LIX1: variants seen among roughly 807,000 people sequenced by gnomAD.
The protein encoded by LIX1 is limb and CNS expressed 1, also known as protein limb expression 1 homolog.
In LIX1, 24 loss-of-function variants were observed where a neutral mutation model predicts 33.4. The ratio of observed to expected loss-of-function variants is 0.72; its 90% confidence interval spans 0.52 to 1.01. LIX1 has a LOEUF of 1.01. Ranked by LOEUF, LIX1 falls within the 50% of genes least tolerant of loss-of-function variation. The probability of loss-of-function intolerance (pLI) is 0.00; values close to 1 mark genes in which losing one functional copy is unlikely to be tolerated. For synonymous variants in LIX1, 124 were observed against 124.0 expected (o/e 1.00, Z 0.00); for missense variants, 311 against 339.2 (o/e 0.92, Z 0.65).
In LIX1 at chr5:97,123,777, C is replaced by T. The variant is rs113024359; in HGVS notation, c.246+689G>A. On this transcript the variant is annotated intron_variant, in intron 2 of 5. Coordinates refer to ENST00000274382, the MANE Select transcript of LIX1 (RefSeq NM_153234.5). ...CCAACCGTTCCTTGCCACACATTAA[C>T]CCTTATGCTTCCCTAATTCTGAAAA... 3.5e-3 allele frequency among the ~76,000 whole-genome samples: 540 copies of T among 152,296 alleles called. 2 individuals are homozygous for T. The highest frequency in any genetic ancestry group is 0.012 in the African/African-American group (507 of 41,564).
chr5:97,101,269 C>G (rs374486399), intron 4 of LIX1, among the ~76,000 whole-genome samples: 1 of 152,094 alleles, frequency 6.6e-6, no homozygotes. Flanking sequence ...TTTTAAGCAT[C>G]CCTTTCAATT....
intron 4 of LIX1, among the ~76,000 whole-genome samples, chr5:97,101,170 T>A (rs1019090070): frequency 2.0e-5 from 3 of 152,188 alleles, no homozygotes; most frequent in Non-Finnish European, 4.4e-5. Context: ...TATTTATAAT[T>A]CTGATATTTT....
At chr5:97,118,748 A>G (rs1747700048) in intron 2 of LIX1, among the ~76,000 whole-genome samples, 1 of 152,200 alleles carries the variant, frequency 6.6e-6, no homozygotes, top group Non-Finnish European at 1.5e-5. Flanking sequence ...ATGCAGAAAT[A>G]AAATTATATT....
chr5:97,127,176 A>G (rs1197375050), intron 1 of LIX1, among the ~76,000 whole-genome samples: 1 of 152,158 alleles, frequency 6.6e-6, no homozygotes, highest in African/African-American at 2.4e-5. Context: ...CTTGTCAACA[A>G]GGACTATTAG....
intron 1 of LIX1, among the ~76,000 whole-genome samples, chr5:97,141,667 T>A (rs1748291990): frequency 6.6e-6 from 1 of 152,160 alleles, no homozygotes; most frequent in South Asian, 2.1e-4. Context: ...TTAAAAAAAA[T>A]TCCATATGCA....
intron 1 of LIX1, among the ~76,000 whole-genome samples, chr5:97,139,124 A>G (rs938182661): frequency 3.3e-5 from 5 of 152,200 alleles, no homozygotes; most frequent in African/African-American, 1.2e-4. Flanking sequence ...TCCTGGCTCT[A>G]TCACATACTA....
At chr5:97,100,891 C>G (rs1190012583) in intron 4 of LIX1, among the ~76,000 whole-genome samples, 2 of 116,446 alleles carry the variant, frequency 1.7e-5, no homozygotes, top group African/African-American at 8.2e-5. Flanking sequence ...ACCTCTGTCT[C>G]AGAAAAAAAA....
chr5:97,115,957 C>T lies in LIX1; in HGVS notation c.247-8457G>A, dbSNP rs527555474. Among the ~76,000 whole-genome samples the T allele has an allele frequency of 6.0e-4, 91 of 152,268 alleles. No individual in the cohort carries two copies. In the South Asian group the frequency reaches 0.017, roughly 29 times the overall value. On this transcript the variant is annotated intron_variant, in intron 2 of 5. Coordinates refer to ENST00000274382, the MANE Select transcript of LIX1 (RefSeq NM_153234.5). Reference sequence around the variant, plus strand: ...CAGGTGGCAAAACCAAATAAATTGACTCTGTGAGAAGTGAGAATTCCTGCC... The same window carrying T: ...CAGGTGGCAAAACCAAATAAATTGATTCTGTGAGAAGTGAGAATTCCTGCC...
chr5:97,097,475 G>A (rs1746446968), intron 4 of LIX1, among the ~76,000 whole-genome samples: 1 of 152,200 alleles, frequency 6.6e-6, no homozygotes, highest in South Asian at 2.1e-4. Context: ...ATACATGTTT[G>A]CTTGTAAATG....
At chr5:97,100,483 C>G (rs1250626624) in intron 4 of LIX1, among the ~76,000 whole-genome samples, 1 of 152,172 alleles carries the variant, frequency 6.6e-6, no homozygotes, top group East Asian at 1.9e-4. Context: ...AGATATTCAT[C>G]TTGCCATCAT....
At chr5:97,123,570 C>T (rs777716211) in intron 2 of LIX1, among the ~76,000 whole-genome samples, 4 of 152,192 alleles carry the variant, frequency 2.6e-5, no homozygotes, top group African/African-American at 2.4e-5. Context: ...CCATTTAAAT[C>T]GTTTAAATCC....
intron 1 of LIX1, among the ~76,000 whole-genome samples, chr5:97,137,694 A>G (rs1462370512): frequency 2.0e-5 from 3 of 152,212 alleles, no homozygotes; most frequent in Non-Finnish European, 4.4e-5. Context: ...TAAGCTAGCA[A>G]GCACTATAGG....
At chr5:97,128,724 C>A (rs1022795402) in intron 1 of LIX1, among the ~76,000 whole-genome samples, 15 of 152,090 alleles carry the variant, frequency 9.9e-5, no homozygotes, top group Non-Finnish European at 1.5e-4. Flanking sequence ...GGGCATAAAC[C>A]TTAAACTTCA....
chr5:97,114,798 G>T (rs928081229), intron 2 of LIX1, among the ~76,000 whole-genome samples: 2 of 152,140 alleles, frequency 1.3e-5, no homozygotes, highest in African/African-American at 4.8e-5. Context: ...TACACAATTT[G>T]GGGGCCCTTG....
intron 2 of LIX1, among the ~76,000 whole-genome samples, chr5:97,116,684 TTTTTC>T (rs1205181376): frequency 6.6e-6 from 1 of 152,180 alleles, no homozygotes; most frequent in African/African-American, 2.4e-5. Context: ...TTTCTTTTCT[TTTTTC>T]TTTTATTCTT....
intron 1 of LIX1, 22 bp downstream of exon 1, chr5:97,142,473 C>T (rs747097641): frequency 1.3e-5 from 21 of 1,590,772 alleles, no homozygotes; most frequent in Non-Finnish European, 1.8e-5. Flanking sequence ...AGTCAAAAAA[C>T]TTTTCCCCCT....
intron 4 of LIX1, 117 bp downstream of exon 4, chr5:97,105,073 C>T: frequency 3.2e-6 from 3 of 947,046 alleles, no homozygotes; most frequent in South Asian, 3.1e-5. Context: ...TTAAAATGAC[C>T]AAAAACACTT....
intron 4 of LIX1, among the ~76,000 whole-genome samples, chr5:97,099,344 C>T (rs373153715): frequency 1.5e-4 from 23 of 152,178 alleles, no homozygotes; most frequent in African/African-American, 7.2e-5. Context: ...GCCCTTCCTA[C>T]CATACTAACA....
chr5:97,103,714 C>T (rs865815884), intron 4 of LIX1, among the ~76,000 whole-genome samples: 2 of 152,180 alleles, frequency 1.3e-5, no homozygotes, highest in South Asian at 4.1e-4. Context: ...ACCTGTAATC[C>T]TAGCACTTTG....
Sources: allele counts gnomAD v4.1 joint callset (sites outside exome capture counted in the v4.1 genomes callset), GRCh38; gene constraint gnomAD v4.1.1; transcripts MANE v1.5; gene names NCBI Gene and HGNC (gene_info 2026-07-23, HGNC 2026-07-21).